UGT2B7: variants seen among roughly 807,000 people sequenced by gnomAD.
The protein encoded by UGT2B7 is UDP-glucuronosyltransferase 2B7.
A neutral mutation model predicts 51.9 loss-of-function variants in UGT2B7; 51 were observed. That is an observed-to-expected ratio of 0.98 (90% CI 0.78 to 1.24). The LOEUF is 1.24. UGT2B7 is among the 50% of genes most tolerant of loss of function. UGT2B7 has a pLI of 0.00. For synonymous variants in UGT2B7, 225 were observed against 211.6 expected (o/e 1.06, Z -0.55); for missense variants, 727 against 628.4 (o/e 1.16, Z -1.68).
In UGT2B7 at chr4:69,065,307, A is replaced by G. The variant is rs1419616855; in HGVS notation, c.-159+13705A>G. Among the ~76,000 whole-genome samples, 4 of 152,180 alleles carry G rather than the reference A, an allele frequency of 2.6e-5. No homozygotes were observed. The East Asian group carries it at 7.7e-4, about 29-fold the overall frequency. On this transcript the variant is annotated intron_variant, in intron 1 of 5. Coordinates refer to the UGT2B7 transcript ENST00000502942. ...TAGAAAAACCAAACTGCCTTGGTGG[A>G]CTGGATTTGGCCAATATCTGATAGG...
At chr4:69,108,887 G>T (rs1033276964) in intron 5 of UGT2B7, among the ~76,000 whole-genome samples, 1 of 152,026 alleles carries the variant, frequency 6.6e-6, no homozygotes, top group African/African-American at 2.4e-5. Flanking sequence ...AAACTGCAAT[G>T]ACACAGAAGT....
chr4:69,096,774 A>G lies in UGT2B7; in HGVS notation c.254A>G (p.Glu85Gly). Reference protein sequence around the residue: ...EIYPTSLTKTELENFIMQQIK... With the variant: ...EIYPTSLTKTGLENFIMQQIK... ...TATCCCACATCTTTAACTAAAACTG[A>G]GTTGGAGAATTTCATCATGCAACAG... The change falls in exon 1 of 6, where the codon GAG becomes GGG. Residue 85 changes from glutamate (E) to glycine (G), a missense_variant. Coordinates refer to ENST00000305231, the MANE Select transcript of UGT2B7 (RefSeq NM_001074.4). 6.2e-7 allele frequency: 1 copy of G among 1,614,010 alleles called. No homozygotes were observed. The highest frequency in any genetic ancestry group is 1.3e-5 in the African/African-American group (1 of 75,054).
intron 1 of UGT2B7, among the ~76,000 whole-genome samples, chr4:69,057,300 G>A (rs867768782): frequency 4.6e-5 from 7 of 152,042 alleles, no homozygotes; most frequent in Non-Finnish European, 7.4e-5. Context: ...TCTACAACTC[G>A]GTGTCTGAGA....
In UGT2B7 at chr4:69,102,898, C is replaced by A; in HGVS notation, c.962C>A (p.Ala321Asp). Reference protein sequence around the residue: ...SMVSNMTEERANVIASALAQI... With the variant: ...SMVSNMTEERDNVIASALAQI... ...GTCAGTAACATGACAGAAGAAAGGG[C>A]CAACGTAATTGCATCAGCCCTGGCC... The change falls in exon 3 of 6, where the codon GCC becomes GAC. Residue 321 changes from alanine (A) to aspartate (D), a missense_variant. Transcript: ENST00000305231. 2 of 1,613,462 alleles carry A rather than the reference C, an allele frequency of 1.2e-6. No homozygotes were observed. The highest frequency in any genetic ancestry group is 1.7e-6 in the Non-Finnish European group (2 of 1,179,668).
rs1577924539 is a variant in UGT2B7 at position 69,102,921 on chromosome 4, G to T, written c.985G>T (p.Ala329Ser). 1 of 1,612,924 alleles carries T rather than the reference G, an allele frequency of 6.2e-7. No homozygotes were observed. The highest frequency in any genetic ancestry group is 2.2e-5 in the East Asian group (1 of 44,828). ...GGCCAACGTAATTGCATCAGCCCTG[G>T]CCCAGATCCCACAAAAGGTAAGATG... ...ERANVIASAL[A>S]QIPQKVLWRF... is the part of the protein sequence containing the mutation. The change falls in exon 3 of 6, where the codon GCC (alanine) becomes TCC (serine). Residue 329 changes from alanine (A) to serine (S), a missense_variant. Ala to Ser is a moderately conservative substitution (Grantham distance 99). Transcript: ENST00000305231.
At chr4:69,055,412 A>C (rs1718163748) in intron 1 of UGT2B7, among the ~76,000 whole-genome samples, 1 of 151,662 alleles carries the variant, frequency 6.6e-6, no homozygotes, top group African/African-American at 2.4e-5. Context: ...TAAAATTGAT[A>C]ATCACAAACC....
chr4:69,093,428 TGGATCTTATCCTGTGAG>T (rs1361893519), upstream of UGT2B7, among the ~76,000 whole-genome samples: 1 of 152,188 alleles, frequency 6.6e-6, no homozygotes, highest in East Asian at 1.9e-4. Context: ...TCCAAGCCAG[TGGATCTTATCCTGTGAG>T]GTGCTGTGAA....
At chr4:69,056,851 G>A (rs1470301830) in intron 1 of UGT2B7, among the ~76,000 whole-genome samples, 4 of 152,110 alleles carry the variant, frequency 2.6e-5, no homozygotes, top group Non-Finnish European at 5.9e-5. Context: ...AGTCTCAAAA[G>A]GGGGGAATGA....
chr4:69,074,566 A>T (rs1718664878), intron 1 of UGT2B7, among the ~76,000 whole-genome samples: 2 of 151,840 alleles, frequency 1.3e-5, no homozygotes, highest in Non-Finnish European at 2.9e-5. Context: ...AATCTTCAAC[A>T]TGTGTTGATT....
At chr4:69,082,537 A>T (rs1469669706) in intron 1 of UGT2B7, among the ~76,000 whole-genome samples, 1 of 152,112 alleles carries the variant, frequency 6.6e-6, no homozygotes, top group African/African-American at 2.4e-5. Context: ...CAAACCAGCC[A>T]CAATCACGCC....
At chr4:69,093,880 G>A (rs1030135337), upstream of UGT2B7, among the ~76,000 whole-genome samples, 4 of 152,020 alleles carry the variant, frequency 2.6e-5, no homozygotes, top group Admixed American at 6.5e-5. Flanking sequence ...GCGAGTGCCC[G>A]TATGTTTCAG....
At chr4:69,098,504 T>C in intron 1 of UGT2B7, 36 bp from the exon 2 acceptor site, 1 of 1,564,148 alleles carries the variant, frequency 6.4e-7, no homozygotes. Flanking sequence ...GTAATTATCT[T>C]GTGTCATCCA....
At chr4:69,064,104 A>AAGAGAGAGAGAGAGAGAGAGAG (rs1560499783) in intron 1 of UGT2B7, among the ~76,000 whole-genome samples, 6 of 110,630 alleles carry the variant, frequency 5.4e-5, no homozygotes, top group Non-Finnish European at 3.6e-5. Flanking sequence ...AAGAGAAAGA[A>AAGAGAGAGAGAGAGAGAGAGAG]AGAAAGAAAA....
At chr4:69,054,363 C>T (rs1718127548) in intron 1 of UGT2B7, among the ~76,000 whole-genome samples, 1 of 152,146 alleles carries the variant, frequency 6.6e-6, no homozygotes, top group African/African-American at 2.4e-5. Flanking sequence ...GCCCTGTTAC[C>T]ACAAGAAGCA....
At chr4:69,055,916 T>C (rs2109859094) in intron 1 of UGT2B7, among the ~76,000 whole-genome samples, 1 of 151,756 alleles carries the variant, frequency 6.6e-6, no homozygotes, top group South Asian at 2.1e-4. Context: ...CATGGTGGAG[T>C]TCCAATTACA....
intron 2 of UGT2B7, 60 bp from the exon 3 acceptor site, chr4:69,102,747 T>C: frequency 1.1e-5 from 18 of 1,573,604 alleles, no homozygotes; most frequent in Admixed American, 2.0e-5. Context: ...GCACCAATTC[T>C]TTTGGTAGTG....
intron 1 of UGT2B7, among the ~76,000 whole-genome samples, chr4:69,076,313 G>A (rs1718706102): frequency 6.6e-6 from 1 of 152,176 alleles, no homozygotes; most frequent in Non-Finnish European, 1.5e-5. Context: ...TGGGAATGCT[G>A]AGTCAAATGG....
chr4:69,074,588 C>T (rs1030976377), intron 1 of UGT2B7, among the ~76,000 whole-genome samples: 31 of 151,770 alleles, frequency 2.0e-4, no homozygotes, highest in Admixed American at 3.9e-4. Context: ...CTGCAACATC[C>T]CTCATATTCT....
intron 2 of UGT2B7, among the ~76,000 whole-genome samples, chr4:69,101,614 A>G (rs1437941131): frequency 1.3e-5 from 2 of 148,242 alleles, no homozygotes; most frequent in Non-Finnish European, 3.0e-5. Flanking sequence ...TAGCAGTACA[A>G]TGACTCTCAT....
Sources: allele counts gnomAD v4.1 joint callset (sites outside exome capture counted in the v4.1 genomes callset), GRCh38; gene constraint gnomAD v4.1.1; transcripts MANE v1.5; gene names NCBI Gene and HGNC (gene_info 2026-07-23, HGNC 2026-07-21).